RPS6KA1: variants seen among roughly 807,000 people sequenced by gnomAD.
RPS6KA1 encodes ribosomal protein S6 kinase alpha-1.
RPS6KA1 carries 48 observed loss-of-function variants against 91.3 expected under a neutral mutation model. That is an observed-to-expected ratio of 0.53 (90% CI 0.42 to 0.67). The LOEUF is 0.67. Among genes scored for constraint, RPS6KA1 ranks in the 30% least tolerant of loss-of-function variants. RPS6KA1 has a pLI of 0.00. For missense variants in RPS6KA1, 719 were observed against 960.5 expected (o/e 0.75, Z 3.32); for synonymous variants, 359 against 384.7 (o/e 0.93, Z 0.78).
At chr1:26,550,450 G>A (rs2076039825) in intron 4 of RPS6KA1, among the ~76,000 whole-genome samples, 1 of 147,862 alleles carries the variant, frequency 6.8e-6, no homozygotes. Context: ...CCAAAGTGCT[G>A]GGATTAGAGG....
chr1:26,568,671 G>A (rs2076224357), intron 17 of RPS6KA1, among the ~76,000 whole-genome samples: 2 of 152,056 alleles, frequency 1.3e-5, no homozygotes. Context: ...AATTGCTTGA[G>A]CCTGGGAGGC....
chr1:26,572,425 T>C (rs2076257330), intron 20 of RPS6KA1, 132 bp downstream of exon 20: 6 of 659,940 alleles, frequency 9.1e-6, no homozygotes, highest in South Asian at 1.7e-5. Context: ...GCTGTATTTC[T>C]CCAAGCGGAA....
chr1:26,570,573 G>T (rs1331749000), intron 17 of RPS6KA1, among the ~76,000 whole-genome samples: 3 of 152,150 alleles, frequency 2.0e-5, no homozygotes, highest in Non-Finnish European at 4.4e-5. Context: ...TTACAGATGA[G>T]CAAACAGGGC....
chr1:26,547,023 A>AT lies in RPS6KA1; in HGVS notation c.225+41dup, dbSNP rs768848331. 6.3e-7 allele frequency: 1 copy of AT among 1,578,128 alleles called. No homozygotes were observed. The highest frequency in any genetic ancestry group is 1.1e-5 in the South Asian group (1 of 90,350). On this transcript the variant is annotated intron_variant, in intron 3 of 21. Coordinates refer to ENST00000374168, the MANE Select transcript of RPS6KA1 (RefSeq NM_002953.4). This position sits in a 1 kb window ranked among gnomAD's most constrained non-coding sequence, Gnocchi z 4.1. ...CATAGCTGTGAAGGCAACACTCGTC[A>AT]TGTTAGAGGTGGGGGTCAAGGGTCA...
chr1:26,565,553 C>CTTTTA (rs2076192571), intron 17 of RPS6KA1, among the ~76,000 whole-genome samples: 1 of 151,456 alleles, frequency 6.6e-6, no homozygotes, highest in African/African-American at 2.4e-5. Flanking sequence ...TTTTTCTTTT[C>CTTTTA]TTTTCTTTTC....
chr1:26,537,598 G>A (rs1006370424), intron 2 of RPS6KA1, among the ~76,000 whole-genome samples: 6 of 152,236 alleles, frequency 3.9e-5, no homozygotes, highest in African/African-American at 1.4e-4. Flanking sequence ...TGACCTTGGG[G>A]AGGTTCCTTG....
intron 2 of RPS6KA1, 79 bp downstream of exon 2, chr1:26,537,048 C>T: frequency 6.8e-7 from 1 of 1,481,384 alleles, no homozygotes; most frequent in South Asian, 1.1e-5. Context: ...GTTGAGGGCT[C>T]CAGCCTCTAG....
At chr1:26,541,865 A>G (rs961662983) in intron 2 of RPS6KA1, among the ~76,000 whole-genome samples, 2 of 152,106 alleles carry the variant, frequency 1.3e-5, no homozygotes, top group Non-Finnish European at 2.9e-5. Context: ...CAGGGTGGGA[A>G]CCCTAGAGAC....
chr1:26,544,602 G>A (rs1202184991), intron 2 of RPS6KA1, among the ~76,000 whole-genome samples: 1 of 151,958 alleles, frequency 6.6e-6, no homozygotes, highest in African/African-American at 2.4e-5. Context: ...AGCTTCCCAA[G>A]TATCTGGGAT....
At chr1:26,566,353 G>A (rs2076201921) in intron 17 of RPS6KA1, among the ~76,000 whole-genome samples, 1 of 137,748 alleles carries the variant, frequency 7.3e-6, no homozygotes, top group African/African-American at 2.7e-5. Flanking sequence ...GTGCGATCTC[G>A]GCTCACTGCA....
chr1:26,569,950 C>G (rs568272577), intron 17 of RPS6KA1, among the ~76,000 whole-genome samples: 1 of 152,058 alleles, frequency 6.6e-6, no homozygotes, highest in African/African-American at 2.4e-5. Context: ...AGGTAGGGAG[C>G]CTTTGAAGGT....
chr1:26,544,128 G>A (rs770714292), intron 2 of RPS6KA1: 1 of 456,148 alleles, frequency 2.2e-6, no homozygotes, highest in Admixed American at 2.3e-5. Flanking sequence ...GGGGATCCCT[G>A]CCCTGCTGCC....
chr1:26,567,354 C>T (rs1334582617), intron 17 of RPS6KA1, among the ~76,000 whole-genome samples: 3 of 152,078 alleles, frequency 2.0e-5, no homozygotes, highest in Middle Eastern at 3.4e-3. Context: ...TGGACAGCAT[C>T]TGGTCTCTAG....
In RPS6KA1 at chr1:26,546,130, C is replaced by G. The variant is rs373974278; in HGVS notation, c.109-737C>G. 2.9e-5 allele frequency: 42 copies of G among 1,429,806 alleles called. No homozygotes were observed. In the East Asian group the frequency reaches 1.0e-3, roughly 35 times the overall value. 88.6% of individuals were successfully genotyped at this position (1,429,806 alleles called of 1,614,324 possible). ...TAACATAAGCTGGCTTTGGGCTGTC[C>G]TGGCCCAGGCCTGGCCCTGCAGGGT... On this transcript the variant is annotated intron_variant, in intron 2 of 21. Transcript: ENST00000374168.
In RPS6KA1 at chr1:26,543,453, C is replaced by A. The variant is rs192739117; in HGVS notation, c.109-3414C>A. Among the ~76,000 whole-genome samples, 4 of 152,318 alleles carry A rather than the reference C, an allele frequency of 2.6e-5. No homozygotes were observed. In the East Asian group the frequency reaches 7.7e-4, roughly 29 times the overall value. On this transcript the variant is annotated intron_variant, in intron 2 of 21. Transcript: ENST00000374168. ...CCTCTTAGTCCCTCTTTGAGCCAGG[C>A]TTTCTGCCTGTCCCGCCAGGAGGTT...
In RPS6KA1 at chr1:26,574,745, C is replaced by G. The variant is rs1394812602; in HGVS notation, c.*544C>G. 1 of 290,512 alleles carries G rather than the reference C, an allele frequency of 3.4e-6. No individual in the cohort carries two copies. 18.0% of individuals were successfully genotyped at this position (290,512 alleles called of 1,614,324 possible). On this transcript the variant is annotated 3_prime_UTR_variant, in exon 22 of 22. Coordinates refer to ENST00000374168, the MANE Select transcript of RPS6KA1 (RefSeq NM_002953.4). This position sits in a 1 kb window ranked among gnomAD's most constrained non-coding sequence, Gnocchi z 4.3. Reference sequence around the variant, plus strand: ...TCTGCTGGGAGTTCTAGAACCACTTCCTGCTACAGGAGGGGTCTCATGTCC... The same window carrying G: ...TCTGCTGGGAGTTCTAGAACCACTTGCTGCTACAGGAGGGGTCTCATGTCC...
At chr1:26,567,720 C>T (rs563306530) in intron 17 of RPS6KA1, among the ~76,000 whole-genome samples, 1 of 152,168 alleles carries the variant, frequency 6.6e-6, no homozygotes. Context: ...TGTGTCTTAA[C>T]ATCCAGCATG....
In RPS6KA1 at chr1:26,558,121, C is replaced by T. The variant is rs1028562144; in HGVS notation, c.1085-686C>T. Among the ~76,000 whole-genome samples the T allele has an allele frequency of 6.6e-6, 1 of 152,132 alleles. No homozygotes were observed. Among genetic ancestry groups the T allele is most frequent in the Admixed American group, 6.6e-5 (1 of 15,264 alleles). On this transcript the variant is annotated intron_variant, in intron 13 of 21. Coordinates refer to ENST00000374168, the MANE Select transcript of RPS6KA1 (RefSeq NM_002953.4). The surrounding 1 kb of genome is among the most constrained non-coding windows in gnomAD (Gnocchi z 4.0). ...ACTTGCACGCCTCTGATGACAGAGACAGCACTTCTCCAAGCAGTCCGCTGG... is the reference window on the plus strand; with the variant it reads ...ACTTGCACGCCTCTGATGACAGAGATAGCACTTCTCCAAGCAGTCCGCTGG...
rs2076090064 is a variant in RPS6KA1 at position 26,555,276 on chromosome 1, T to G, written c.827+55T>G. ...GGACTCCTCCAAGCCCCAGCCCCAGTTTGGGGGTCAGAATATTATTACCCT... is the reference window on the plus strand; with the variant it reads ...GGACTCCTCCAAGCCCCAGCCCCAGGTTGGGGGTCAGAATATTATTACCCT... On this transcript the variant is annotated intron_variant, in intron 10 of 21. Transcript: ENST00000374168. This position sits in a 1 kb window ranked among gnomAD's most constrained non-coding sequence, Gnocchi z 4.3. 3.9e-6 allele frequency: 6 copies of G among 1,548,204 alleles called. No individual in the cohort carries two copies. Among genetic ancestry groups the G allele is most frequent in the Non-Finnish European group, 5.3e-6 (6 of 1,121,866 alleles).
Sources: gnomAD v4.1 joint callset for allele counts (sites outside exome capture counted in the v4.1 genomes callset) on GRCh38, gnomAD v4.1.1 for gene constraint, Gnocchi (gnomAD v3.1) non-coding constraint, MANE v1.5 for transcripts, NCBI Gene and HGNC (gene_info 2026-07-23, HGNC 2026-07-21) for gene names.